LAMC3: variants seen among roughly 807,000 people sequenced by gnomAD.
LAMC3 encodes laminin subunit gamma-3.
LAMC3 carries 128 observed loss-of-function variants against 173.8 expected under a neutral mutation model. That is an observed-to-expected ratio of 0.74 (90% CI 0.64 to 0.85). LAMC3 has a LOEUF of 0.85. LAMC3 is among the 40% of genes least tolerant of loss of function. The pLI, the probability that LAMC3 is intolerant of heterozygous loss-of-function variation, is 0.00. For synonymous variants in LAMC3, 897 were observed against 909.1 expected (o/e 0.99, Z 0.24); for missense variants, 2,022 against 2,156.0 (o/e 0.94, Z 1.23).
intron 8 of LAMC3, among the ~76,000 whole-genome samples, chr9:131,047,113 C>T (rs190622526): frequency 3.5e-4 from 52 of 150,512 alleles, no homozygotes; most frequent in African/African-American, 1.2e-3. Context: ...CATTTTGTCT[C>T]ACAGTTGCCC....
At chr9:131,028,249 C>T (rs1833763648) in intron 2 of LAMC3, among the ~76,000 whole-genome samples, 1 of 152,148 alleles carries the variant, frequency 6.6e-6, no homozygotes, top group African/African-American at 2.4e-5. Flanking sequence ...CCCAAACCAC[C>T]GCCTACCCCG....
chr9:131,067,299 A>C (rs1262950776), intron 14 of LAMC3, 94 bp downstream of exon 14: 3 of 1,529,050 alleles, frequency 2.0e-6, no homozygotes, highest in East Asian at 4.5e-5. Flanking sequence ...TGAGGAACCC[A>C]CCAGAACCAG....
At chr9:131,056,857 G>A in intron 11 of LAMC3, 72 bp from the exon 12 acceptor site, 2 of 1,212,468 alleles carry the variant, frequency 1.6e-6, no homozygotes, top group Non-Finnish European at 2.4e-6. Flanking sequence ...ATGTGAACAG[G>A]AAGGTTTTGG....
Position 131,011,590 on chromosome 9 carries a change from G to A in LAMC3, c.373+2003G>A, listed in dbSNP as rs373409330. Reference sequence around the variant, plus strand: ...AGAAACTCCCTTCTTCTGGGGCCACGTCACCTTCTCTCAGCCTATCTGGAT... The same window carrying A: ...AGAAACTCCCTTCTTCTGGGGCCACATCACCTTCTCTCAGCCTATCTGGAT... On this transcript the variant is annotated intron_variant, in intron 1 of 27. Transcript: ENST00000361069. Among the ~76,000 whole-genome samples, 35 of 150,018 alleles carry A rather than the reference G, an allele frequency of 2.3e-4. No individual in the cohort carries two copies. In the East Asian group the frequency reaches 4.6e-3, roughly 20 times the overall value.
rs571793083 is a variant in LAMC3, at chr9:131,044,100, A to G, written c.1383-1424A>G. On this transcript the variant is annotated intron_variant, in intron 7 of 27. Coordinates refer to ENST00000361069, the MANE Select transcript of LAMC3 (RefSeq NM_006059.4). ...CAGCCTCCTAAGTAGCTAGGATTAT[A>G]GGCACCCACCACCACGCCTGGCTAA... Among the ~76,000 whole-genome samples the G allele has an allele frequency of 2.6e-5, 4 of 151,782 alleles. No individual in the cohort carries two copies. The South Asian group carries it at 6.2e-4, about 24-fold the overall frequency.
At chr9:131,068,331 C>G in intron 15 of LAMC3, 100 bp downstream of exon 15, 1 of 1,229,590 alleles carries the variant, frequency 8.1e-7, no homozygotes, top group Non-Finnish European at 1.1e-6. Flanking sequence ...AGGTGTTGTC[C>G]TAGGCCCACT....
At position 131,011,389 on chromosome 9, in the gene LAMC3, C is replaced by T. The variant is rs192364526; in HGVS notation, c.373+1802C>T. On this transcript the variant is annotated intron_variant, in intron 1 of 27. Transcript: ENST00000361069. The stretch of plus-strand genomic sequence containing the variant: ...GCATCTGAGCGTGGACATCCATGGA[C>T]ATCAGAGGTCAGAGCATAAACTCTT... Among the ~76,000 whole-genome samples the T allele has an allele frequency of 2.0e-3, 303 of 152,324 alleles. 8 individuals are homozygous for T. Among genetic ancestry groups the T allele is most frequent in the Admixed American group, 0.013 (206 of 15,304 alleles).
chr9:131,075,562 C>T (rs1304504574), intron 20 of LAMC3, among the ~76,000 whole-genome samples: 1 of 102,634 alleles, frequency 9.7e-6, no homozygotes, highest in Non-Finnish European at 2.0e-5. Context: ...GACTCTGTCT[C>T]AAAAAAAAAA....
chr9:131,010,819 C>G (rs1223721101), intron 1 of LAMC3, among the ~76,000 whole-genome samples: 1 of 152,176 alleles, frequency 6.6e-6, no homozygotes, highest in Non-Finnish European at 1.5e-5. Flanking sequence ...GGAGTCTGGA[C>G]CCAGCCCCGG....
rs769945240 is a variant in LAMC3 at position 131,077,163 on chromosome 9, T to C, written c.3630-24T>C. The C allele has an allele frequency of 5.0e-6, 8 of 1,612,428 alleles. No individual in the cohort carries two copies. In the East Asian group the frequency reaches 1.8e-4, roughly 36 times the overall value. The stretch of plus-strand genomic sequence containing the variant: ...GGGGAGGGCTAGTTCTGCACCCAGC[T>C]CCGTGGCCTCTGCTTCCTCCCAGGT... On this transcript the variant is annotated intron_variant, in intron 21 of 27. Transcript: ENST00000361069.
chr9:131,069,767 C>T lies in LAMC3; in HGVS notation c.2986C>T (p.Arg996Cys), dbSNP rs144084540. The T allele has an allele frequency of 9.1e-5, 145 of 1,596,050 alleles. No homozygotes were observed. Among genetic ancestry groups the T allele is most frequent in the Admixed American group, 1.9e-4 (11 of 57,438 alleles). ...TGGCTTCGAGGGCTACAAATGTGAC[C>T]GCTGCCACGACAACTTCTTCCTCAC... The part of the protein sequence containing the change: ...RPGFEGYKCD[R>C]CHDNFFLTAD... The change falls in exon 17 of 28, where the codon CGC becomes TGC. Residue 996 changes from arginine (R) to cysteine (C), a missense_variant. Arg to Cys is a radical substitution (Grantham distance 180). Coordinates refer to ENST00000361069, the MANE Select transcript of LAMC3 (RefSeq NM_006059.4).
At chr9:131,037,629 G>A (rs1444845930) in intron 4 of LAMC3, among the ~76,000 whole-genome samples, 2 of 152,286 alleles carry the variant, frequency 1.3e-5, no homozygotes, top group African/African-American at 4.8e-5. Flanking sequence ...AGCCACTAGA[G>A]TAGCTGAGAC....
At position 131,067,104 on chromosome 9, in the gene LAMC3, G is replaced by A; in HGVS notation, c.2492G>A (p.Cys831Tyr). 1 of 1,614,136 alleles carries A rather than the reference G, an allele frequency of 6.2e-7. No homozygotes were observed. Among genetic ancestry groups the A allele is most frequent in the Non-Finnish European group, 8.5e-7 (1 of 1,180,014 alleles). ...VGNCDPLSGH[C>Y]LRCLHNTTGD... ...AACTGTGACCCCCTGTCTGGCCACTGCCTGCGCTGCCTGCACAACACCACG... is the reference window on the plus strand; with the variant it reads ...AACTGTGACCCCCTGTCTGGCCACTACCTGCGCTGCCTGCACAACACCACG... The change falls in exon 14 of 28, where the codon TGC (cysteine) becomes TAC (tyrosine). Residue 831 changes from cysteine (C) to tyrosine (Y), a missense_variant. Coordinates refer to ENST00000361069, the MANE Select transcript of LAMC3 (RefSeq NM_006059.4).
intron 1 of LAMC3, among the ~76,000 whole-genome samples, chr9:131,023,012 C>T (rs548726381): frequency 3.9e-5 from 6 of 152,288 alleles, no homozygotes; most frequent in East Asian, 1.9e-4. Context: ...TGGACATTTA[C>T]GTGGAATCCC....
intron 3 of LAMC3, among the ~76,000 whole-genome samples, chr9:131,032,619 T>TCTCA (rs1292002574): frequency 4.1e-5 from 6 of 147,132 alleles, no homozygotes; most frequent in African/African-American, 1.6e-4. Flanking sequence ...TCTCTCTCTC[T>TCTCA]CTCTCACTCT....
At chr9:131,039,921 A>G (rs1406970424) in intron 6 of LAMC3, among the ~76,000 whole-genome samples, 1 of 151,686 alleles carries the variant, frequency 6.6e-6, no homozygotes, top group Admixed American at 6.6e-5. Context: ...TCTGGACCTT[A>G]CCCCAACACA....
intron 1 of LAMC3, among the ~76,000 whole-genome samples, chr9:131,013,819 G>A (rs774776488): frequency 4.6e-5 from 7 of 152,144 alleles, no homozygotes; most frequent in Non-Finnish European, 8.8e-5. Flanking sequence ...CGGGTCCCAG[G>A]GTGCTGGACA....
Position 131,029,972 on chromosome 9 carries a change from G to A in LAMC3, c.679-2073G>A, listed in dbSNP as rs900501543. Among the ~76,000 whole-genome samples, 11 of 146,022 alleles carry A rather than the reference G, an allele frequency of 7.5e-5. No homozygotes were observed. The highest frequency in any genetic ancestry group is 2.3e-4 in the African/African-American group (9 of 38,784). On this transcript the variant is annotated intron_variant, in intron 2 of 27. Transcript: ENST00000361069. This position sits in a 1 kb window ranked among gnomAD's most constrained non-coding sequence, Gnocchi z 4.6. ...TTTTTTTTTTTTTTGAGACAGTTTC[G>A]CTCTGTCGCCCAGGCTGGAGTGCAG...
chr9:131,034,395 C>T (rs1200764077), intron 3 of LAMC3, among the ~76,000 whole-genome samples: 5 of 152,356 alleles, frequency 3.3e-5, no homozygotes, highest in African/African-American at 7.2e-5. Context: ...AGCCGTGCTA[C>T]GTGCCCTACC....
Sources: gnomAD v4.1 joint callset for allele counts (sites outside exome capture counted in the v4.1 genomes callset) on GRCh38, gnomAD v4.1.1 for gene constraint, Gnocchi (gnomAD v3.1) non-coding constraint, MANE v1.5 for transcripts, NCBI Gene and HGNC (gene_info 2026-07-23, HGNC 2026-07-21) for gene names.